Variants in PIAS1 observed in about 807,000 individuals in gnomAD.
PIAS1 encodes E3 SUMO-protein ligase PIAS1.
Under a neutral mutation model 71.3 loss-of-function variants are expected in PIAS1, and 6 were observed. That is an observed-to-expected ratio of 0.08 (90% confidence interval 0.05 to 0.17). The LOEUF (loss-of-function observed/expected upper bound fraction) is 0.17. PIAS1 is among the 10% of genes least tolerant of loss of function. The probability of loss-of-function intolerance (pLI) is 1.00; values close to 1 mark genes in which losing one functional copy is unlikely to be tolerated. For synonymous variants in PIAS1, 303 were observed against 292.9 expected (o/e 1.03, Z -0.35); for missense variants, 555 against 793.6 (o/e 0.70, Z 3.61).
At chr15:68,109,671 T>TA (rs1191040567) in intron 2 of PIAS1, among the ~76,000 whole-genome samples, 15 of 152,204 alleles carry the variant, frequency 9.9e-5, no homozygotes, top group Non-Finnish European at 1.5e-5. Context: ...TGAGGTTCAC[T>TA]AAACTATTTT....
At chr15:68,114,146 A>G (rs1305281666) in intron 2 of PIAS1, among the ~76,000 whole-genome samples, 1 of 152,094 alleles carries the variant, frequency 6.6e-6, no homozygotes, top group Non-Finnish European at 1.5e-5. Context: ...CAATGTGAAG[A>G]ATTTTGTAAA....
chr15:68,116,289 G>A (rs752892201), intron 2 of PIAS1, among the ~76,000 whole-genome samples: 5 of 151,734 alleles, frequency 3.3e-5, no homozygotes, highest in Non-Finnish European at 7.4e-5. Flanking sequence ...GGCTATTCAG[G>A]TTATCTTTTT....
intron 7 of PIAS1, among the ~76,000 whole-genome samples, chr15:68,157,121 C>T (rs2092895817): frequency 6.6e-6 from 1 of 152,124 alleles, no homozygotes; most frequent in African/African-American, 2.4e-5. Context: ...ATGCCATTTA[C>T]TGAAACAGAA....
intron 12 of PIAS1, among the ~76,000 whole-genome samples, chr15:68,182,663 G>A (rs1037622851): frequency 2.6e-5 from 4 of 152,008 alleles, no homozygotes; most frequent in African/African-American, 7.3e-5. Context: ...CAGGTGATTC[G>A]CCTGCCTTCG....
chr15:68,188,657 G>A lies in PIAS1; in HGVS notation c.*822G>A, dbSNP rs144988246. On this transcript the variant is annotated 3_prime_UTR_variant, in exon 14 of 14. Transcript: ENST00000249636. The stretch of plus-strand genomic sequence containing the variant: ...GTTTTAGAGATATTGGAATAAAGCT[G>A]TCTGGGTAAGGAGTAGGCTTAGCCG... The A allele has an allele frequency of 8.5e-5, 13 of 152,324 alleles. No individual in the cohort carries two copies. In the East Asian group the frequency reaches 2.5e-3, roughly 29 times the overall value. 9.4% of individuals were successfully genotyped at this position (152,324 alleles called of 1,614,324 possible).
chr15:68,111,003 C>G (rs1032625144), intron 2 of PIAS1, among the ~76,000 whole-genome samples: 2 of 152,020 alleles, frequency 1.3e-5, no homozygotes, highest in East Asian at 3.9e-4. Context: ...GTGCTTTTTT[C>G]TCTCCCTCTG....
At chr15:68,144,409 C>T (rs987412699) in intron 4 of PIAS1, among the ~76,000 whole-genome samples, 4 of 152,106 alleles carry the variant, frequency 2.6e-5, no homozygotes, top group African/African-American at 9.7e-5. Context: ...CCTCTCTGCC[C>T]CATGAACCAC....
At chr15:68,161,443 A>G (rs2092923558) in intron 7 of PIAS1, among the ~76,000 whole-genome samples, 1 of 152,112 alleles carries the variant, frequency 6.6e-6, no homozygotes, top group South Asian at 2.1e-4. Flanking sequence ...TTACAAGAAT[A>G]AAAGGACTAG....
chr15:68,130,223 TAAAAG>T (rs1258289996), intron 2 of PIAS1, among the ~76,000 whole-genome samples: 3 of 151,874 alleles, frequency 2.0e-5, no homozygotes, highest in East Asian at 3.8e-4. Flanking sequence ...AAATAAACCT[TAAAAG>T]AAAAAGGCTT....
intron 1 of PIAS1, among the ~76,000 whole-genome samples, chr15:68,063,742 T>C (rs1311000612): frequency 6.6e-6 from 1 of 152,228 alleles, no homozygotes; most frequent in Non-Finnish European, 1.5e-5. Flanking sequence ...CCGAAGTTTT[T>C]CTGAGGGTTC....
At chr15:68,077,993 C>G (rs915322534) in intron 1 of PIAS1, among the ~76,000 whole-genome samples, 5 of 152,188 alleles carry the variant, frequency 3.3e-5, no homozygotes, top group Admixed American at 3.3e-4. Context: ...AGCTTTCTCT[C>G]AGATAGGGTA....
chr15:68,094,146 G>T, intron 2 of PIAS1, among the ~76,000 whole-genome samples: 2 of 150,492 alleles, frequency 1.3e-5, no homozygotes, highest in Admixed American at 6.6e-5. Flanking sequence ...ATATATATTT[G>T]AATTTTCCTG....
At chr15:68,070,159 G>A (rs2092078873) in intron 1 of PIAS1, among the ~76,000 whole-genome samples, 3 of 152,150 alleles carry the variant, frequency 2.0e-5, no homozygotes, top group Admixed American at 2.0e-4. Context: ...GACGACTGTG[G>A]ATGTAAAATA....
intron 1 of PIAS1, among the ~76,000 whole-genome samples, chr15:68,067,477 T>C (rs947593093): frequency 6.6e-6 from 1 of 152,142 alleles, no homozygotes; most frequent in Non-Finnish European, 1.5e-5. Context: ...TTTTTCTTTT[T>C]TTCTTCCCTC....
rs945110488 is a variant in PIAS1 at position 68,054,641 on chromosome 15, A to C, written c.24+291A>C. ...TAGGGAGTCCGGAGGTAGGGGCTGCAGCTGTCTCATGGGCTCGGCTTTTTC... is the reference window on the plus strand; with the variant it reads ...TAGGGAGTCCGGAGGTAGGGGCTGCCGCTGTCTCATGGGCTCGGCTTTTTC... On this transcript the variant is annotated intron_variant, in intron 1 of 13. Transcript: ENST00000249636. This position sits in a 1 kb window ranked among gnomAD's most constrained non-coding sequence, Gnocchi z 4.6. The C allele has an allele frequency of 7.5e-4, 253 of 338,214 alleles. 4 individuals carry two copies. The highest frequency in any genetic ancestry group is 5.0e-3 in the African/African-American group (234 of 46,474). The allele number at this position is 338,214 out of a possible 1,614,324, so 21.0% of individuals were successfully genotyped here. A position where few individuals can be genotyped will look rare whatever the true frequency, so the allele number is the denominator to read the frequency against.
chr15:68,108,857 A>T (rs1210848816), intron 2 of PIAS1, among the ~76,000 whole-genome samples: 2 of 152,102 alleles, frequency 1.3e-5, no homozygotes, highest in East Asian at 3.8e-4. Flanking sequence ...CATTCTCATG[A>T]CCTTTACTGC....
chr15:68,181,528 G>A (rs1261676478), intron 12 of PIAS1, 174 bp downstream of exon 12: 2 of 577,524 alleles, frequency 3.5e-6, no homozygotes, highest in Non-Finnish European at 6.1e-6. Flanking sequence ...CCAGTTCGTT[G>A]ATTGTACTGT....
chr15:68,138,722 G>C (rs113079429), intron 2 of PIAS1, among the ~76,000 whole-genome samples: 1 of 152,156 alleles, frequency 6.6e-6, no homozygotes, highest in Non-Finnish European at 1.5e-5. Flanking sequence ...TGATCTGCCC[G>C]CCTCAGTCTC....
chr15:68,058,363 C>T (rs955701832), intron 1 of PIAS1, among the ~76,000 whole-genome samples: 1 of 152,090 alleles, frequency 6.6e-6, no homozygotes, highest in African/African-American at 2.4e-5. Context: ...TTTGATCTTT[C>T]CAACAGTTCT....
Sources: allele counts gnomAD v4.1 joint callset (sites outside exome capture counted in the v4.1 genomes callset), GRCh38; gene constraint gnomAD v4.1.1; non-coding constraint Gnocchi (gnomAD v3.1); transcripts MANE v1.5; gene names NCBI Gene and HGNC (gene_info 2026-07-23, HGNC 2026-07-21).